Variants in SLC51B observed in about 807,000 individuals in gnomAD.
SLC51B encodes the protein SLC51 subunit beta.
A neutral mutation model predicts 8.0 loss-of-function variants in SLC51B; 6 were observed. The observed-to-expected ratio is 0.75, with a 90% CI of 0.41 to 1.48. The LOEUF (loss-of-function observed/expected upper bound fraction) is 1.48. SLC51B is among the 40% of genes most tolerant of loss of function. The pLI is 0.01. For synonymous variants in SLC51B, 61 were observed against 54.8 expected (o/e 1.11, Z -0.50); for missense variants, 150 against 149.7 (o/e 1.00, Z -0.01).
chr15:65,053,286 CTT>C lies in SLC51B; in HGVS notation c.*132_*133del, dbSNP rs368374478. ...GCCGCTTTTTTCTTTTTCTTTCTTTCTTTTTTTTTTTCTTAGCAGATACAATG... is the reference window on the plus strand; with the variant it reads ...GCCGCTTTTTTCTTTTTCTTTCTTTCTTTTTTTTTCTTAGCAGATACAATG... On this transcript the variant is annotated 3_prime_UTR_variant, in exon 4 of 4. Coordinates refer to ENST00000334287, the MANE Select transcript of SLC51B (RefSeq NM_178859.4). 6.6e-6 allele frequency: 7 copies of C among 1,067,530 alleles called. No individual in the cohort carries two copies. The highest frequency in any genetic ancestry group is 3.3e-5 in the African/African-American group (2 of 61,234). 66.1% of individuals were successfully genotyped at this position (1,067,530 alleles called of 1,614,324 possible). A position where few individuals can be genotyped will look rare whatever the true frequency, so the allele number is the denominator to read the frequency against.
intron 1 of SLC51B, among the ~76,000 whole-genome samples, chr15:65,046,003 T>C (rs2086572693): frequency 6.6e-6 from 1 of 152,092 alleles, no homozygotes; most frequent in Non-Finnish European, 1.5e-5. Context: ...CCATCTCTAC[T>C]AAAAATACAA....
At chr15:65,052,517 C>T (rs948479389) in intron 3 of SLC51B, among the ~76,000 whole-genome samples, 2 of 149,926 alleles carry the variant, frequency 1.3e-5, no homozygotes, top group African/African-American at 4.9e-5. Context: ...TCTCCTGCTT[C>T]AGCCTCCCAA....
At chr15:65,049,865 A>C in intron 1 of SLC51B, 32 bp from the exon 2 acceptor site, 1 of 523,006 alleles carries the variant, frequency 1.9e-6, no homozygotes, top group South Asian at 2.6e-5. Flanking sequence ...CTCGGGTGGG[A>C]TATCCAGTCA....
chr15:65,051,861 G>A (rs562137542), intron 3 of SLC51B, among the ~76,000 whole-genome samples: 7 of 152,204 alleles, frequency 4.6e-5, no homozygotes, highest in Non-Finnish European at 1.0e-4. Context: ...GAGGAGTGTA[G>A]CCATTCAGAA....
chr15:65,046,685 G>A (rs1239185997), intron 1 of SLC51B, among the ~76,000 whole-genome samples: 1 of 152,084 alleles, frequency 6.6e-6, no homozygotes. Context: ...GGACAAGGTG[G>A]GCAGGTCGCT....
intron 1 of SLC51B, among the ~76,000 whole-genome samples, chr15:65,046,230 G>A (rs945627956): frequency 1.3e-5 from 2 of 152,250 alleles, no homozygotes; most frequent in African/African-American, 4.8e-5. Context: ...GAACTCGGGA[G>A]GCGGAGGTTG....
intron 3 of SLC51B, among the ~76,000 whole-genome samples, 197 bp downstream of exon 3, chr15:65,051,802 G>C (rs772516037): frequency 1.3e-5 from 2 of 150,750 alleles, no homozygotes; most frequent in African/African-American, 4.9e-5. Flanking sequence ...AACAGCAACA[G>C]TCCCTGATTA....
intron 2 of SLC51B, among the ~76,000 whole-genome samples, chr15:65,051,247 G>A (rs1272036366): frequency 1.3e-5 from 2 of 152,134 alleles, no homozygotes; most frequent in Non-Finnish European, 2.9e-5. Context: ...GTAGGCCTCT[G>A]CCCTTCACCC....
At chr15:65,052,877 T>C (rs1325726514) in intron 3 of SLC51B, 89 bp from the exon 4 acceptor site, 1 of 1,217,436 alleles carries the variant, frequency 8.2e-7, no homozygotes, top group East Asian at 2.4e-5. Context: ...TAGAGAATTT[T>C]CCCCTTAGAC....
At chr15:65,052,180 G>A (rs1192641189) in intron 3 of SLC51B, among the ~76,000 whole-genome samples, 1 of 152,148 alleles carries the variant, frequency 6.6e-6, no homozygotes, top group Non-Finnish European at 1.5e-5. Flanking sequence ...AACATGACTG[G>A]TGTTGTGCCT....
chr15:65,047,379 G>A (rs955105393), intron 1 of SLC51B, among the ~76,000 whole-genome samples: 2 of 151,106 alleles, frequency 1.3e-5, no homozygotes, highest in Non-Finnish European at 2.9e-5. Flanking sequence ...AATATACATA[G>A]AAATATATAC....
chr15:65,045,956 A>G (rs188327746), intron 1 of SLC51B, among the ~76,000 whole-genome samples: 1 of 152,316 alleles, frequency 6.6e-6, no homozygotes, highest in East Asian at 1.9e-4. Context: ...ACCTGAGGTC[A>G]GGAGTTCGAG....
intron 1 of SLC51B, among the ~76,000 whole-genome samples, chr15:65,046,489 T>C (rs2086579372): frequency 6.6e-6 from 1 of 151,598 alleles, no homozygotes; most frequent in Non-Finnish European, 1.5e-5. Flanking sequence ...GAAAGAAATA[T>C]GTCGCTTGTT....
intron 1 of SLC51B, among the ~76,000 whole-genome samples, chr15:65,048,153 C>T (rs1324218221): frequency 2.0e-5 from 3 of 151,510 alleles, no homozygotes; most frequent in Admixed American, 1.3e-4. Flanking sequence ...TGCACTCCAG[C>T]CTGGGCGACA....
rs776952059 is a variant in SLC51B at position 65,052,963 on chromosome 15, C to A, written c.189-3C>A. On this transcript the variant is annotated splice_polypyrimidine_tract_variant and splice_region_variant and intron_variant, in intron 3 of 3. Coordinates refer to ENST00000334287, the MANE Select transcript of SLC51B (RefSeq NM_178859.4). ...TCATTAACACTGTTCCCTGTCCCCC[C>A]AGAAAAGAAAAGATGCAGCCACCAG... is the stretch of plus-strand genomic sequence containing the variant. 70 of 1,607,458 alleles carry A rather than the reference C, an allele frequency of 4.4e-5. No homozygotes were observed. In the East Asian group the frequency reaches 4.5e-4, roughly 10 times the overall value.
intron 2 of SLC51B, 29 bp downstream of exon 2, chr15:65,050,130 TG>T (rs2140506526): frequency 6.5e-7 from 1 of 1,531,068 alleles, no homozygotes; most frequent in Non-Finnish European, 8.9e-7. Context: ...ACGGCAGGGG[TG>T]GGGGTGTGCC....
At chr15:65,048,850 A>G (rs2086609281) in intron 1 of SLC51B, among the ~76,000 whole-genome samples, 1 of 152,100 alleles carries the variant, frequency 6.6e-6, no homozygotes. Context: ...CTCTACTAAA[A>G]ATACAAAAAT....
intron 2 of SLC51B, among the ~76,000 whole-genome samples, chr15:65,050,836 C>CCTTTTTT (rs2086642864): frequency 1.0e-5 from 1 of 95,650 alleles, no homozygotes; most frequent in Non-Finnish European, 1.9e-5. Context: ...TCTTCTTCTT[C>CCTTTTTT]TTTTTTTTTT....
In SLC51B at chr15:65,047,545, A is replaced by G. The variant is rs138342464; in HGVS notation, c.-109+1963A>G. On this transcript the variant is annotated intron_variant, in intron 1 of 3. Transcript: ENST00000334287. The stretch of plus-strand genomic sequence containing the variant: ...GACTGTGTTTGGTTTCTCAACTTCA[A>G]TACTTTTCTTTGTGAGTTCAGGGGT... 3.8e-3 allele frequency among the ~76,000 whole-genome samples: 576 copies of G among 152,228 alleles called. 2 individuals are homozygous for G. The highest frequency in any genetic ancestry group is 0.011 in the Admixed American group (168 of 15,294).
Sources: gnomAD v4.1 joint callset for allele counts (sites outside exome capture counted in the v4.1 genomes callset) on GRCh38, gnomAD v4.1.1 for gene constraint, MANE v1.5 for transcripts, NCBI Gene and HGNC (gene_info 2026-07-23, HGNC 2026-07-21) for gene names.